The following SUN1 variants were observed in gnomAD, a reference collection of about 807,000 sequenced individuals.
The protein encoded by SUN1 is Sad1 and UNC84 domain containing 1, also known as SUN domain-containing protein 1.
SUN1 carries 61 observed loss-of-function variants against 103.2 expected under a neutral mutation model. That is an observed-to-expected ratio of 0.59 (90% CI 0.48 to 0.73). The LOEUF (loss-of-function observed/expected upper bound fraction) is 0.73. Among genes scored for constraint, SUN1 ranks in the 30% least tolerant of loss-of-function variants. The pLI, the probability that SUN1 is intolerant of heterozygous loss-of-function variation, is 0.00. For synonymous variants in SUN1, 490 were observed against 425.7 expected (o/e 1.15, Z -1.86); for missense variants, 1,052 against 1,034.6 (o/e 1.02, Z -0.23).
chr7:845,161 G>C (rs1330040940), intron 5 of SUN1, among the ~76,000 whole-genome samples: 1 of 152,216 alleles, frequency 6.6e-6, no homozygotes, highest in Non-Finnish European at 1.5e-5. Flanking sequence ...GTAAATGTGT[G>C]TCTCTCTGTG....
Position 861,484 on chromosome 7 carries a change from G to C in SUN1, c.1864+20G>C, listed in dbSNP as rs1259985949. ...CTGGTGGTGAGTAAATAGACGTTCT[G>C]ATTACTAAGTTAGATGATCACCTGT... On this transcript the variant is annotated intron_variant, in intron 15 of 18. Transcript: ENST00000401592. 2 of 1,612,148 alleles carry C rather than the reference G, an allele frequency of 1.2e-6. No individual in the cohort carries two copies. Among genetic ancestry groups the C allele is most frequent in the Non-Finnish European group, 1.7e-6 (2 of 1,178,156 alleles).
In SUN1 at chr7:866,016, G is replaced by T. The variant is rs1402594664; in HGVS notation, c.1929G>T (p.Leu643=). The change falls in exon 16 of 19, where the codon CTG becomes CTT. Residue 643 remains leucine, a synonymous_variant. Coordinates refer to ENST00000401592, the MANE Select transcript of SUN1 (RefSeq NM_001130965.3). ...AAACCAAAACGGCGCTGATGAGTCT[G>T]TTTGGGATCCCGCTGTGGTACTTCT... ...TYETKTALMS[L]FGIPLWYFSQ... is the part of the protein sequence containing the mutation. 6.2e-7 allele frequency: 1 copy of T among 1,614,184 alleles called. No individual in the cohort carries two copies. Among genetic ancestry groups the T allele is most frequent in the Non-Finnish European group, 8.5e-7 (1 of 1,180,022 alleles).
At chr7:840,415 C>A (rs991182069) in intron 2 of SUN1, among the ~76,000 whole-genome samples, 3 of 152,186 alleles carry the variant, frequency 2.0e-5, no homozygotes, top group African/African-American at 4.8e-5. Context: ...ACTGCCACGC[C>A]GCGCTCTGCC....
In SUN1 at chr7:824,354, C is replaced by G. The variant is rs537631179; in HGVS notation, c.-74+7681C>G. 3.9e-5 allele frequency among the ~76,000 whole-genome samples: 6 copies of G among 152,298 alleles called. No homozygotes were observed. The South Asian group carries it at 1.0e-3, about 26-fold the overall frequency. On this transcript the variant is annotated intron_variant, in intron 1 of 17. Coordinates refer to the SUN1 transcript ENST00000389574. ...TGCTGAGTGTGGCTGCAGCACATCC[C>G]TGCTTGAGGGCCGCTGGCTGCAGAT... is the stretch of plus-strand genomic sequence containing the variant.
intron 17 of SUN1, among the ~76,000 whole-genome samples, chr7:871,743 G>A (rs1401847360): frequency 2.0e-5 from 3 of 152,138 alleles, no homozygotes; most frequent in Admixed American, 6.5e-5. Flanking sequence ...CTACTCACTC[G>A]CTGGAACTTC....
Position 841,865 on chromosome 7 carries a change from A to G in SUN1, c.267-81A>G, listed in dbSNP as rs1584540584. The G allele has an allele frequency of 2.8e-6, 4 of 1,440,420 alleles. No homozygotes were observed. In the East Asian group the frequency reaches 7.2e-5, roughly 26 times the overall value. 89.2% of individuals were successfully genotyped at this position (1,440,420 alleles called of 1,614,324 possible). On this transcript the variant is annotated intron_variant, in intron 2 of 18. Coordinates refer to ENST00000401592, the MANE Select transcript of SUN1 (RefSeq NM_001130965.3). ...TTAAAATGCTGTTTATTCCCAGATTAAGAGTTTGTGTTGGTCAAATGTAAT... is the reference window on the plus strand; with the variant it reads ...TTAAAATGCTGTTTATTCCCAGATTGAGAGTTTGTGTTGGTCAAATGTAAT...
At chr7:832,701 A>C (rs878923036) in intron 1 of SUN1, 100 bp downstream of exon 1, 2 of 883,514 alleles carry the variant, frequency 2.3e-6, no homozygotes, top group Non-Finnish European at 3.6e-6. Context: ...TACCGACTAC[A>C]TGCTGTATTT....
chr7:840,639 CTT>C lies in SUN1; in HGVS notation c.267-1288_267-1287del, dbSNP rs540064618. Reference sequence around the variant, plus strand: ...AGAAATTATTTTTTGACCATCTATTCTTTTTTTTTTTTTTTTTTTTGAAACGG... The same window carrying C: ...AGAAATTATTTTTTGACCATCTATTCTTTTTTTTTTTTTTTTTTGAAACGG... On this transcript the variant is annotated intron_variant, in intron 2 of 18. Coordinates refer to ENST00000401592, the MANE Select transcript of SUN1 (RefSeq NM_001130965.3). 2.7e-3 allele frequency among the ~76,000 whole-genome samples: 350 copies of C among 127,762 alleles called. 1 individual carries two copies. Among genetic ancestry groups the C allele is most frequent in the African/African-American group, 9.7e-3 (323 of 33,286 alleles). 83.8% of individuals were successfully genotyped at this position (127,762 alleles called of 152,430 possible). A position where few individuals can be genotyped will look rare whatever the true frequency, so the allele number is the denominator to read the frequency against.
At chr7:837,179 C>T (rs1456451723) in intron 1 of SUN1, among the ~76,000 whole-genome samples, 1 of 152,190 alleles carries the variant, frequency 6.6e-6, no homozygotes, top group Admixed American at 6.5e-5. Flanking sequence ...GCCCTGGTTG[C>T]GGAGGCTCTG....
intron 1 of SUN1, among the ~76,000 whole-genome samples, chr7:823,360 G>T (rs565044118): frequency 6.6e-6 from 1 of 152,312 alleles, no homozygotes; most frequent in South Asian, 2.1e-4. Flanking sequence ...GCTTCCTGGT[G>T]GTGGTATCTC....
rs7788150 is a variant in SUN1 at position 818,591 on chromosome 7, G to C, written c.-74+1918G>C. Among the ~76,000 whole-genome samples the C allele has an allele frequency of 5.0e-3, 761 of 152,308 alleles. 3 individuals are homozygous for C. Among genetic ancestry groups the C allele is most frequent in the Non-Finnish European group, 7.7e-3 (525 of 68,026 alleles). Reference sequence around the variant, plus strand: ...AGTTGCCAGGTCATATGGTAACTCTGTGTTTAGCTTTTTGAGGAACTGCCA... The same window carrying C: ...AGTTGCCAGGTCATATGGTAACTCTCTGTTTAGCTTTTTGAGGAACTGCCA... On this transcript the variant is annotated intron_variant, in intron 1 of 17. Coordinates refer to the SUN1 transcript ENST00000389574.
Position 874,359 on chromosome 7 carries a change from T to A in SUN1, c.*1028T>A, listed in dbSNP as rs1201129546. The A allele has an allele frequency of 6.6e-6, 1 of 152,656 alleles. No homozygotes were observed. The highest frequency in any genetic ancestry group is 2.4e-5 in the African/African-American group (1 of 41,482). 9.5% of individuals were successfully genotyped at this position (152,656 alleles called of 1,614,324 possible). On this transcript the variant is annotated 3_prime_UTR_variant, in exon 19 of 19. Transcript: ENST00000401592. ...ACTCTTTTTGGTTATAATTACTATT[T>A]AATATTTAGACTATTTTACTGAGCA...
In SUN1 at chr7:848,744, G is replaced by C. The variant is rs1818994824; in HGVS notation, c.659-2640G>C. On this transcript the variant is annotated intron_variant, in intron 5 of 18. Coordinates refer to ENST00000401592, the MANE Select transcript of SUN1 (RefSeq NM_001130965.3). ...GTGGTCTTGGTGCTGGCTCTCTCCTGGCTTCCCCCTCTGGATCTTGCATCC... is the reference window on the plus strand; with the variant it reads ...GTGGTCTTGGTGCTGGCTCTCTCCTCGCTTCCCCCTCTGGATCTTGCATCC... The C allele has an allele frequency of 7.7e-6, 4 of 517,174 alleles. No homozygotes were observed. The South Asian group carries it at 8.0e-5, about 10-fold the overall frequency. 32.0% of individuals were successfully genotyped at this position (517,174 alleles called of 1,614,324 possible).
intron 5 of SUN1, chr7:850,294 G>A: frequency 2.3e-6 from 1 of 430,044 alleles, no homozygotes; most frequent in South Asian, 2.4e-5. Flanking sequence ...CACCTCCAGA[G>A]TTCAAGCAAT....
Position 860,237 on chromosome 7 carries a change from G to T in SUN1, c.1634G>T (p.Gly545Val), listed in dbSNP as rs751586546. ...TTCTCATCACAGTTTGTGAGCAAAGGCGACTTGCAGACGATGCTGCGAGAC... is the reference window on the plus strand; with the variant it reads ...TTCTCATCACAGTTTGTGAGCAAAGTCGACTTGCAGACGATGCTGCGAGAC... Reference protein sequence around the residue: ...QRFSSQFVSKGDLQTMLRDLQ... With the variant: ...QRFSSQFVSKVDLQTMLRDLQ... The change falls in exon 14 of 19, where the codon GGC becomes GTC. Residue 545 changes from glycine to valine, a missense_variant. Physicochemically the swap from Gly to Val is moderately radical, Grantham distance 109 (BLOSUM62 -3). Coordinates refer to ENST00000401592, the MANE Select transcript of SUN1 (RefSeq NM_001130965.3). 8.7e-6 allele frequency: 14 copies of T among 1,614,140 alleles called. No individual in the cohort carries two copies. The highest frequency in any genetic ancestry group is 1.2e-5 in the Non-Finnish European group (14 of 1,180,054).
At chr7:850,100 T>C in intron 5 of SUN1, 2 of 1,427,812 alleles carry the variant, frequency 1.4e-6, no homozygotes, top group Non-Finnish European at 1.9e-6. Flanking sequence ...TTGTGTGGTT[T>C]GTGCTTGGAA....
upstream of SUN1, among the ~76,000 whole-genome samples, chr7:827,594 C>T (rs1203832231): frequency 6.6e-6 from 1 of 151,798 alleles, no homozygotes; most frequent in Non-Finnish European, 1.5e-5. Flanking sequence ...CTCAGCCTCC[C>T]GAGTAGCTGG....
At chr7:828,326 C>T (rs1290991049), upstream of SUN1, among the ~76,000 whole-genome samples, 1 of 151,998 alleles carries the variant, frequency 6.6e-6, no homozygotes, top group Non-Finnish European at 1.5e-5. Flanking sequence ...GGCTGGAGTG[C>T]AGTGGTGCTG....
rs78454000 is a variant in SUN1 at position 864,514 on chromosome 7, A to G, written c.1865-1438A>G. ...GGTTGTGTTGAGCCGAGATCGTACCATTGCACTCCAGCCTGGGCAACAAGA... is the reference window on the plus strand; with the variant it reads ...GGTTGTGTTGAGCCGAGATCGTACCGTTGCACTCCAGCCTGGGCAACAAGA... On this transcript the variant is annotated intron_variant, in intron 15 of 18. Coordinates refer to ENST00000401592, the MANE Select transcript of SUN1 (RefSeq NM_001130965.3). 7.0e-3 allele frequency among the ~76,000 whole-genome samples: 1,022 copies of G among 146,438 alleles called. 41 individuals are homozygous for G. In the East Asian group the frequency reaches 0.13, roughly 19 times the overall value.
Sources: gnomAD v4.1 joint callset for allele counts (sites outside exome capture counted in the v4.1 genomes callset) on GRCh38, gnomAD v4.1.1 for gene constraint, MANE v1.5 for transcripts, NCBI Gene and HGNC (gene_info 2026-07-23, HGNC 2026-07-21) for gene names.